The following HLA-DMB variants were observed in gnomAD, a reference collection of about 807,000 sequenced individuals.
The protein encoded by HLA-DMB is major histocompatibility complex, class II, DM beta, also known as HLA class II histocompatibility antigen, DM beta chain.
In HLA-DMB, 18 loss-of-function variants were observed where a neutral mutation model predicts 29.3. That is an observed-to-expected ratio of 0.62 (90% CI 0.43 to 0.91). The LOEUF is 0.91. Among genes scored for constraint, HLA-DMB ranks in the 40% least tolerant of loss-of-function variants. HLA-DMB has a pLI of 0.00. For synonymous variants in HLA-DMB, 143 were observed against 128.7 expected (o/e 1.11, Z -0.75); for missense variants, 258 against 320.9 (o/e 0.80, Z 1.50).
rs1326336471 is a variant in HLA-DMB, at chr6:32,935,538, G to C, written c.737C>G (p.Ser246Cys). Residue 246 changes from serine to cysteine, a missense_variant and splice_region_variant, in exon 4 of 6, where the codon TCT becomes TGT. By Grantham distance (112) the Ser-to-Cys change is moderately radical (BLOSUM62 -1). Coordinates refer to ENST00000418107, the MANE Select transcript of HLA-DMB (RefSeq NM_002118.5). Reference sequence around the variant, plus strand: ...TGGGAGTTCAGCGAGTCACTCACTAGAGTGGCCAGCTCTCCGCCAGCTGAT... The same window carrying C: ...TGGGAGTTCAGCGAGTCACTCACTACAGTGGCCAGCTCTCCGCCAGCTGAT... ...GVISWRRAGH[S>C]SYTPLPGSNY... The C allele has an allele frequency of 1.2e-6, 2 of 1,610,996 alleles. No homozygotes were observed. The highest frequency in any genetic ancestry group is 1.3e-5 in the African/African-American group (1 of 74,860).
intron 2 of HLA-DMB, chr6:32,938,483 C>T (rs1023808512): frequency 2.8e-5 from 13 of 461,984 alleles, no homozygotes; most frequent in Non-Finnish European, 4.0e-5. Flanking sequence ...GCCTCACCTC[C>T]CCTTCTTTAC....
chr6:32,935,894 G>A (rs1166428676), intron 3 of HLA-DMB: 15 of 569,522 alleles, frequency 2.6e-5, no homozygotes, highest in Non-Finnish European at 4.4e-5. Context: ...TGGCTTCCAG[G>A]TCCTCTCTAA....
chr6:32,937,287 A>G lies in HLA-DMB; in HGVS notation c.507T>C (p.Asn169=), dbSNP rs147622332. The G allele has an allele frequency of 8.5e-5, 137 of 1,614,120 alleles. 1 individual carries two copies. The East Asian group carries it at 1.5e-3, about 18-fold the overall frequency. The change falls in exon 3 of 6, where the codon AAT becomes AAC. Residue 169 remains asparagine, a synonymous_variant. Transcript: ENST00000418107. This position sits in a 1 kb window ranked among gnomAD's most constrained non-coding sequence, Gnocchi z 4.1. ...AGAGGGTCTGGTATGTCCAGTCTCC[A>G]TTGGGCTGGGCAGTCTTGTGCGCAC... The part of the protein sequence containing the change: ...HSSAHKTAQP[N]GDWTYQTLSH...
chr6:32,937,531 A>G lies in HLA-DMB; in HGVS notation c.338-75T>C. 1 of 1,453,656 alleles carries G rather than the reference A, an allele frequency of 6.9e-7. No homozygotes were observed. Among genetic ancestry groups the G allele is most frequent in the Non-Finnish European group, 9.4e-7 (1 of 1,060,060 alleles). The allele number at this position is 1,453,656 out of a possible 1,614,324, so 90.0% of individuals were successfully genotyped here. ...GCTTCCTCAACCTGGTTTCTTCCCTATCGCAACTCTTCGTAGATTTTGCAA... is the reference window on the plus strand; with the variant it reads ...GCTTCCTCAACCTGGTTTCTTCCCTGTCGCAACTCTTCGTAGATTTTGCAA... On this transcript the variant is annotated intron_variant, in intron 2 of 5. Coordinates refer to ENST00000418107, the MANE Select transcript of HLA-DMB (RefSeq NM_002118.5). This position sits in a 1 kb window ranked among gnomAD's most constrained non-coding sequence, Gnocchi z 4.1.
chr6:32,940,828 C>A lies in HLA-DMB; in HGVS notation c.-21G>T. On this transcript the variant is annotated 5_prime_UTR_variant, in exon 1 of 6. Transcript: ENST00000418107. The stretch of plus-strand genomic sequence containing the variant: ...ATCATGCTCTGCTCTGTAAAGATGC[C>A]GGGAGTTCAGTCCCCTGGACCAGCT... 6.3e-7 allele frequency: 1 copy of A among 1,579,290 alleles called. No homozygotes were observed. Among genetic ancestry groups the A allele is most frequent in the Non-Finnish European group, 8.6e-7 (1 of 1,163,040 alleles).
chr6:32,939,187 A>C (rs1388098958), intron 1 of HLA-DMB, among the ~76,000 whole-genome samples: 1 of 152,146 alleles, frequency 6.6e-6, no homozygotes, highest in Non-Finnish European at 1.5e-5. Context: ...TTTTGTTCTA[A>C]TGAGGTACTC....
intron 1 of HLA-DMB, among the ~76,000 whole-genome samples, chr6:32,939,800 T>G (rs1776241866): frequency 6.6e-6 from 1 of 152,188 alleles, no homozygotes; most frequent in African/African-American, 2.4e-5. Context: ...CTGAGTTCCA[T>G]AAGCCACTTT....
Position 32,937,341 on chromosome 6 carries a change from C to T in HLA-DMB, c.453G>A (p.Lys151=). 1.9e-6 allele frequency: 3 copies of T among 1,614,222 alleles called. No individual in the cohort carries two copies. The highest frequency in any genetic ancestry group is 1.7e-6 in the Non-Finnish European group (2 of 1,180,038). The part of the protein sequence containing the change: ...YPAEVTITWR[K]NGKLVMPHSS... Reference sequence around the variant, plus strand: ...TGTGAGGCATGACAAGCTTCCCGTTCTTCCTCCACGTGATAGTCACTTCTG... The same window carrying T: ...TGTGAGGCATGACAAGCTTCCCGTTTTTCCTCCACGTGATAGTCACTTCTG... The change falls in exon 3 of 6, where the codon AAG becomes AAA. Residue 151 remains lysine, a synonymous_variant. Transcript: ENST00000418107. The surrounding 1 kb of genome is among the most constrained non-coding windows in gnomAD (Gnocchi z 4.1).
rs764470920 is a variant in HLA-DMB at position 32,937,154 on chromosome 6, C to T, written c.622+18G>A. 1.3e-6 allele frequency: 2 copies of T among 1,550,308 alleles called. No homozygotes were observed. Among genetic ancestry groups the T allele is most frequent in the Admixed American group, 1.9e-5 (1 of 53,082 alleles). ...TCTCTGCTTTGACCCTAATTCCATC[C>T]ATCTGCCATACACTTACTCCAGTCC... On this transcript the variant is annotated intron_variant, in intron 3 of 5. Coordinates refer to ENST00000418107, the MANE Select transcript of HLA-DMB (RefSeq NM_002118.5). This position sits in a 1 kb window ranked among gnomAD's most constrained non-coding sequence, Gnocchi z 4.1.
chr6:32,937,180 C>T lies in HLA-DMB; in HGVS notation c.614G>A (p.Arg205Gln), dbSNP rs548257449. 128 of 1,592,302 alleles carry T rather than the reference C, an allele frequency of 8.0e-5. No homozygotes were observed. In the East Asian group the frequency reaches 2.1e-3, roughly 27 times the overall value. ...ATCTGCCATACACTTACTCCAGTCCCGAAGGATGGGCTCAGGAGCCCCAGT... is the reference window on the plus strand; with the variant it reads ...ATCTGCCATACACTTACTCCAGTCCTGAAGGATGGGCTCAGGAGCCCCAGT... Reference protein sequence around the residue: ...EHTGAPEPILRDWTPGLSPMQ... With the variant: ...EHTGAPEPILQDWTPGLSPMQ... Residue 205 changes from arginine (R) to glutamine (Q), a missense_variant, in exon 3 of 6, where the codon CGG becomes CAG. Arg to Gln is a conservative substitution (Grantham distance 43). Transcript: ENST00000418107. This position sits in a 1 kb window ranked among gnomAD's most constrained non-coding sequence, Gnocchi z 4.1.
In HLA-DMB at chr6:32,938,763, C is replaced by T. The variant is rs1189952180; in HGVS notation, c.258G>A (p.Leu86=). The T allele has an allele frequency of 6.2e-7, 1 of 1,606,168 alleles. No homozygotes were observed. The highest frequency in any genetic ancestry group is 1.3e-5 in the African/African-American group (1 of 74,386). Residue 86 remains leucine (L), a synonymous_variant, in exon 2 of 6, where the codon CTG becomes CTA. Transcript: ENST00000418107. Reference sequence around the variant, plus strand: ...GAAGCCCATTGCGCAAGCGCTGCATCAGGGTGTCTTTTTGGTTGAGGTGCT... The same window carrying T: ...GAAGCCCATTGCGCAAGCGCTGCATTAGGGTGTCTTTTTGGTTGAGGTGCT... ...LSQHLNQKDT[L]MQRLRNGLQN...
Position 32,938,844 on chromosome 6 carries a change from A to G in HLA-DMB, c.177T>C (p.Asn59=). ...CCCCAAATTCGCAAGGGGCCATCTT[A>G]TTCTCCTCTGGATCCCAGCAGGTCA... The part of the protein sequence containing the change: ...DLLTCWDPEE[N]KMAPCEFGVL... Residue 59 remains asparagine, a synonymous_variant, in exon 2 of 6, where the codon AAT becomes AAC. Coordinates refer to ENST00000418107, the MANE Select transcript of HLA-DMB (RefSeq NM_002118.5). 6.2e-7 allele frequency: 1 copy of G among 1,612,330 alleles called. No homozygotes were observed.
chr6:32,937,205 T>G lies in HLA-DMB; in HGVS notation c.589A>C (p.Thr197Pro). 3 of 1,605,738 alleles carry G rather than the reference T, an allele frequency of 1.9e-6. No individual in the cohort carries two copies. Among genetic ancestry groups the G allele is most frequent in the Non-Finnish European group, 2.6e-6 (3 of 1,173,614 alleles). ...CGAAGGATGGGCTCAGGAGCCCCAG[T>G]GTGCTCTACCACACAGGTGTAAGTG... ...GDTYTCVVEH[T>P]GAPEPILRDW... The change falls in exon 3 of 6, where the codon ACT becomes CCT. Residue 197 changes from threonine (T) to proline (P), a missense_variant. Thr to Pro is a conservative substitution (Grantham distance 38, BLOSUM62 -1). Coordinates refer to ENST00000418107, the MANE Select transcript of HLA-DMB (RefSeq NM_002118.5). This position sits in a 1 kb window ranked among gnomAD's most constrained non-coding sequence, Gnocchi z 4.1.
chr6:32,937,295 G>A lies in HLA-DMB; in HGVS notation c.499C>T (p.Gln167Ter). 1 of 1,614,150 alleles carries A rather than the reference G, an allele frequency of 6.2e-7. No homozygotes were observed. Residue 167 changes from glutamine to a stop codon, truncating the protein, a stop_gained, in exon 3 of 6, where the codon CAG (glutamine) becomes TAG (stop). Coordinates refer to ENST00000418107, the MANE Select transcript of HLA-DMB (RefSeq NM_002118.5). LOFTEE classifies it high-confidence loss of function. The surrounding 1 kb of genome is among the most constrained non-coding windows in gnomAD (Gnocchi z 4.1). Reference protein sequence around the residue: ...MPHSSAHKTAQPNGDWTYQTL... With the variant: ...MPHSSAHKTA ...TGGTATGTCCAGTCTCCATTGGGCTGGGCAGTCTTGTGCGCACTGCTGTGA... is the reference window on the plus strand; with the variant it reads ...TGGTATGTCCAGTCTCCATTGGGCTAGGCAGTCTTGTGCGCACTGCTGTGA...
intron 5 of HLA-DMB, 136 bp from the exon 6 acceptor site, chr6:32,935,123 C>A: frequency 1.0e-6 from 1 of 969,500 alleles, no homozygotes. Context: ...AAAGGAAGCA[C>A]CTTCAGCCTC....
In HLA-DMB at chr6:32,937,689, G is replaced by T; in HGVS notation, c.338-233C>A. The T allele has an allele frequency of 1.8e-6, 1 of 560,850 alleles. No homozygotes were observed. Among genetic ancestry groups the T allele is most frequent in the Non-Finnish European group, 3.2e-6 (1 of 317,300 alleles). 34.7% of individuals were successfully genotyped at this position (560,850 alleles called of 1,614,324 possible). A position where few individuals can be genotyped will look rare whatever the true frequency, so the allele number is the denominator to read the frequency against. ...TCTTTCTTTCCTCCTCCAGAATTAT[G>T]TTTGATTACAATTAGTAAAAGCCAG... On this transcript the variant is annotated intron_variant, in intron 2 of 5. Transcript: ENST00000418107. The surrounding 1 kb of genome is among the most constrained non-coding windows in gnomAD (Gnocchi z 4.1).
At position 32,937,089 on chromosome 6, in the gene HLA-DMB, G is replaced by A. The variant is rs746130543; in HGVS notation, c.622+83C>T. 7.0e-5 allele frequency: 84 copies of A among 1,193,642 alleles called. No individual in the cohort carries two copies. The highest frequency in any genetic ancestry group is 8.0e-5 in the Non-Finnish European group (70 of 876,270). The allele number at this position is 1,193,642 out of a possible 1,614,324, so 73.9% of individuals were successfully genotyped here. Reference sequence around the variant, plus strand: ...ACTCAGTCCCCATTTTCAGCACTTCGCTGTCTACCATGTACCATGTATCGA... The same window carrying A: ...ACTCAGTCCCCATTTTCAGCACTTCACTGTCTACCATGTACCATGTATCGA... On this transcript the variant is annotated intron_variant, in intron 3 of 5. Transcript: ENST00000418107. This position sits in a 1 kb window ranked among gnomAD's most constrained non-coding sequence, Gnocchi z 4.1.
At chr6:32,940,592 CA>C (rs1776298985) in intron 1 of HLA-DMB, among the ~76,000 whole-genome samples, 160 bp downstream of exon 1, 1 of 152,130 alleles carries the variant, frequency 6.6e-6, no homozygotes, top group South Asian at 2.1e-4. Flanking sequence ...GATAATTATA[CA>C]GATTAATTAC....
rs1775916103 is a variant in HLA-DMB, at chr6:32,935,006, G to A, written c.776-19C>T. 3 of 1,612,548 alleles carry A rather than the reference G, an allele frequency of 1.9e-6. No individual in the cohort carries two copies. Among genetic ancestry groups the A allele is most frequent in the Non-Finnish European group, 2.5e-6 (3 of 1,179,830 alleles). On this transcript the variant is annotated intron_variant, in intron 5 of 5. Coordinates refer to ENST00000418107, the MANE Select transcript of HLA-DMB (RefSeq NM_002118.5). The stretch of plus-strand genomic sequence containing the variant: ...TGCCATCCTACAGAATAAATAAAAG[G>A]GAGATAATGAGGCTTCAACCCAACT...
Sources: gnomAD v4.1 joint callset for allele counts (sites outside exome capture counted in the v4.1 genomes callset) on GRCh38, gnomAD v4.1.1 for gene constraint, Gnocchi (gnomAD v3.1) non-coding constraint, MANE v1.5 for transcripts, NCBI Gene and HGNC (gene_info 2026-07-23, HGNC 2026-07-21) for gene names.